DLEC1: variants seen among roughly 807,000 people sequenced by gnomAD.
DLEC1 encodes deleted in lung and esophageal cancer protein 1.
In DLEC1, 146 loss-of-function variants were observed where a neutral mutation model predicts 198.1. That is an observed-to-expected ratio of 0.74 (90% CI 0.64 to 0.85). The LOEUF is 0.85. Among genes scored for constraint, DLEC1 ranks in the 40% least tolerant of loss-of-function variants. DLEC1 has a pLI of 0.00. For synonymous variants in DLEC1, 897 were observed against 866.8 expected, an observed-to-expected ratio of 1.03 and a Z score of -0.61; for missense variants, 2,233 against 2,220.0, an observed-to-expected ratio of 1.01 and a Z score of -0.12.
At chr3:38,079,292 A>G (rs1283227933) in intron 6 of DLEC1, among the ~76,000 whole-genome samples, 3 of 152,192 alleles carry the variant, frequency 2.0e-5, no homozygotes, top group Non-Finnish European at 4.4e-5. Context: ...AGGAGTGCTT[A>G]AAAGAGTATT....
At chr3:38,097,373 C>T (rs373145441) in intron 16 of DLEC1, 98 bp downstream of exon 16, 55 of 1,541,188 alleles carry the variant, frequency 3.6e-5, no homozygotes, top group Non-Finnish European at 4.8e-5. Flanking sequence ...TCTTGGTGTC[C>T]TGTGACTGCT....
At position 38,117,533 on chromosome 3, in the gene DLEC1, T is replaced by C. The variant is rs1559466279; in HGVS notation, c.4407T>C (p.Ser1469=). The change falls in exon 32 of 37, where the codon AGT becomes AGC. Residue 1469 remains serine (S), a synonymous_variant. Transcript: ENST00000308059. The part of the protein sequence containing the change: ...LHSYVRPAQL[S]VELDYGGSME... The stretch of plus-strand genomic sequence containing the variant: ...AATGCCTATTGCTGGGCAGGCTAAG[T>C]GTGGAGCTGGACTACGGCGGCAGTA... 1 of 1,614,090 alleles carries C rather than the reference T, an allele frequency of 6.2e-7. No homozygotes were observed. Among genetic ancestry groups the C allele is most frequent in the African/African-American group, 1.3e-5 (1 of 75,028 alleles).
At chr3:38,049,528 C>T (rs1325656807) in intron 2 of DLEC1, among the ~76,000 whole-genome samples, 2 of 152,244 alleles carry the variant, frequency 1.3e-5, no homozygotes, top group African/African-American at 4.8e-5. Flanking sequence ...TTGCTGGAAA[C>T]TTGTCCACAT....
At position 38,116,997 on chromosome 3, in the gene DLEC1, G is replaced by A. The variant is rs764730702; in HGVS notation, c.4202G>A (p.Ser1401Asn). Residue 1401 changes from serine to asparagine, a missense_variant, in exon 30 of 37, where the codon AGT becomes AAT. Physicochemically the swap from Ser to Asn is conservative, Grantham distance 46 (BLOSUM62 1). Transcript: ENST00000308059. ...CAGGTGGTCCCTGCTGGGGGCAGCA[G>A]TACCATCTACATCTCCTTCACCCCT... ...KQVVVPAGGS[S>N]TIYISFTPMV... 1.2e-6 allele frequency: 2 copies of A among 1,613,966 alleles called. No individual in the cohort carries two copies. The highest frequency in any genetic ancestry group is 2.2e-5 in the East Asian group (1 of 44,878).
intron 21 of DLEC1, among the ~76,000 whole-genome samples, chr3:38,109,086 G>T (rs1489164729): frequency 1.3e-5 from 2 of 152,228 alleles, no homozygotes; most frequent in African/African-American, 4.8e-5. Flanking sequence ...CAGACAGGCA[G>T]GCCCAGGTGT....
Position 38,123,160 on chromosome 3 carries a change from C to A in DLEC1, c.*748C>A. On this transcript the variant is annotated 3_prime_UTR_variant, in exon 37 of 37. Coordinates refer to ENST00000308059, the MANE Select transcript of DLEC1 (RefSeq NM_007335.4). ...AACTTAATTGGCTGGGCAAAGGCAC[C>A]CACCAAATTACCTCCAGACCAGGCT... 6.3e-7 allele frequency: 1 copy of A among 1,597,962 alleles called. No individual in the cohort carries two copies. Among genetic ancestry groups the A allele is most frequent in the East Asian group, 2.2e-5 (1 of 44,798 alleles).
At chr3:38,119,061 C>G (rs566217381) in intron 33 of DLEC1, among the ~76,000 whole-genome samples, 2 of 152,314 alleles carry the variant, frequency 1.3e-5, no homozygotes, top group South Asian at 4.1e-4. Context: ...GCCAGAGGTT[C>G]CATTCCACCA....
Position 38,123,905 on chromosome 3 carries a change from G to C in DLEC1, c.*1493G>C, listed in dbSNP as rs555811007. ...AATCCCAGATACTCGGGAGGCTGAGGCTGAGGCAGGAAAATTGCTTGAACC... is the reference window on the plus strand; with the variant it reads ...AATCCCAGATACTCGGGAGGCTGAGCCTGAGGCAGGAAAATTGCTTGAACC... On this transcript the variant is annotated 3_prime_UTR_variant, in exon 37 of 37. Coordinates refer to ENST00000308059, the MANE Select transcript of DLEC1 (RefSeq NM_007335.4). 2 of 151,946 alleles carry C rather than the reference G, an allele frequency of 1.3e-5. No individual in the cohort carries two copies. Among genetic ancestry groups the C allele is most frequent in the South Asian group, 2.1e-4 (1 of 4,804 alleles). 9.4% of individuals were successfully genotyped at this position (151,946 alleles called of 1,614,324 possible).
chr3:38,079,783 G>C (rs1408417482), intron 6 of DLEC1, among the ~76,000 whole-genome samples: 1 of 152,338 alleles, frequency 6.6e-6, no homozygotes, highest in East Asian at 1.9e-4. Context: ...CCTGGCTGCT[G>C]CGGTTCAGGC....
In DLEC1 at chr3:38,043,683, G is replaced by C. The variant is rs9835968; in HGVS notation, c.412-1860G>C. 5.3e-3 allele frequency among the ~76,000 whole-genome samples: 809 copies of C among 152,206 alleles called. 7 individuals are homozygous for C. The highest frequency in any genetic ancestry group is 0.019 in the African/African-American group (772 of 41,502). On this transcript the variant is annotated intron_variant, in intron 1 of 36. Transcript: ENST00000308059. ...TGATTCATTTCCCCAAATGTAAATG[G>C]TAATTACACAATAAATCTTTTTTTT...
In DLEC1 at chr3:38,062,261, T is replaced by A. The variant is rs762600849; in HGVS notation, c.766T>A (p.Cys256Ser). 6.2e-7 allele frequency: 1 copy of A among 1,614,100 alleles called. No homozygotes were observed. Among genetic ancestry groups the A allele is most frequent in the Non-Finnish European group, 8.5e-7 (1 of 1,180,040 alleles). Residue 256 changes from cysteine (C) to serine (S), a missense_variant, in exon 4 of 37, where the codon TGC becomes AGC. Physicochemically the swap from Cys to Ser is moderately radical, Grantham distance 112. Coordinates refer to ENST00000308059, the MANE Select transcript of DLEC1 (RefSeq NM_007335.4). Reference protein sequence around the residue: ...KELNKKLEDSCRKKLAEFEDE... With the variant: ...KELNKKLEDSSRKKLAEFEDE... ...GCTGAACAAGAAGCTTGAAGATTCA[T>A]GCAGGAAGAAGCTTGCTGAGTTCGA...
chr3:38,100,678 A>G (rs529849271), intron 19 of DLEC1, among the ~76,000 whole-genome samples: 2 of 152,308 alleles, frequency 1.3e-5, no homozygotes, highest in African/African-American at 4.8e-5. Flanking sequence ...GTAAATTAGT[A>G]TAACTACTTT....
At chr3:38,084,443 G>T (rs535247284) in intron 7 of DLEC1, among the ~76,000 whole-genome samples, 198 bp downstream of exon 7, 637 of 2,850 alleles carry the variant, frequency 0.22, 21 homozygotes, top group African/African-American at 0.44. Flanking sequence ...TAGTGGTGGT[G>T]GTGGTGGTGG....
chr3:38,109,933 G>A, intron 22 of DLEC1, 166 bp from the exon 23 acceptor site: 1 of 777,960 alleles, frequency 1.3e-6, no homozygotes, highest in Non-Finnish European at 2.0e-6. Flanking sequence ...AGCATCATGG[G>A]TGGGCAGGAA....
intron 6 of DLEC1, 27 bp from the exon 7 acceptor site, chr3:38,084,131 A>G (rs1158182358): frequency 6.2e-7 from 1 of 1,608,364 alleles, no homozygotes; most frequent in Non-Finnish European, 8.5e-7. Flanking sequence ...GTTGCTGTCT[A>G]AAAGAGATCA....
At chr3:38,060,212 A>G (rs1206101690) in intron 3 of DLEC1, among the ~76,000 whole-genome samples, 4 of 152,238 alleles carry the variant, frequency 2.6e-5, no homozygotes, top group African/African-American at 9.6e-5. Flanking sequence ...GCAGGGACTT[A>G]TGGGTTTTCC....
chr3:38,114,966 A>G lies in DLEC1; in HGVS notation c.3786-17A>G. The G allele has an allele frequency of 6.2e-7, 1 of 1,612,102 alleles. No homozygotes were observed. The highest frequency in any genetic ancestry group is 8.5e-7 in the Non-Finnish European group (1 of 1,178,840). ...CGCTGGCTGTGGCTGTACTGAGTCC[A>G]GTCTGTCCCCCTCCAGGTTCGGCAC... On this transcript the variant is annotated splice_polypyrimidine_tract_variant and intron_variant, in intron 26 of 36. Transcript: ENST00000308059.
At chr3:38,104,781 C>G (rs1172943653) in intron 19 of DLEC1, among the ~76,000 whole-genome samples, 8 of 152,068 alleles carry the variant, frequency 5.3e-5, no homozygotes, top group Non-Finnish European at 8.8e-5. Flanking sequence ...TTTCTATTTT[C>G]TATTTCATTT....
At position 38,084,191 on chromosome 3, in the gene DLEC1, A is replaced by G. The variant is rs529472287; in HGVS notation, c.1207A>G (p.Ser403Gly). Reference protein sequence around the residue: ...VIALQNTTTTSRYLRVLPPST... With the variant: ...VIALQNTTTTGRYLRVLPPST... ...TGCGCTGCAGAACACCACCACGACC[A>G]GCCGCTACCTGCGAGTCCTCCCGCC... The change falls in exon 7 of 37, where the codon AGC (serine) becomes GGC (glycine). Residue 403 changes from serine (S) to glycine (G), a missense_variant. Transcript: ENST00000308059. 3 of 1,613,296 alleles carry G rather than the reference A, an allele frequency of 1.9e-6. No individual in the cohort carries two copies. In the South Asian group the frequency reaches 3.3e-5, roughly 18 times the overall value.
Sources: allele counts gnomAD v4.1 joint callset (sites outside exome capture counted in the v4.1 genomes callset), GRCh38; gene constraint gnomAD v4.1.1; transcripts MANE v1.5; gene names NCBI Gene and HGNC (gene_info 2026-07-23, HGNC 2026-07-21).